Variants in DUSP18 observed in about 807,000 individuals in gnomAD.
DUSP18 encodes the protein dual specificity phosphatase 18, also known as dual specificity protein phosphatase 18.
A neutral mutation model predicts 6.3 loss-of-function variants in DUSP18; 4 were observed. That is an observed-to-expected ratio of 0.63 (90% CI 0.31 to 1.45). DUSP18 has a LOEUF of 1.45. Ranked by LOEUF, DUSP18 falls within the 40% of genes most tolerant of loss-of-function variation. DUSP18 has a pLI of 0.07. For synonymous variants in DUSP18, 96 were observed against 95.1 expected (o/e 1.01, Z -0.05); for missense variants, 235 against 247.7 (o/e 0.95, Z 0.34).
At chr22:30,657,193 G>A (rs1025006862), downstream of DUSP18, among the ~76,000 whole-genome samples, 5 of 152,002 alleles carry the variant, frequency 3.3e-5, no homozygotes, top group Admixed American at 3.3e-4. Context: ...CCAGCACTTT[G>A]GGAGGCCGAG....
chr22:30,660,378 A>G, downstream of DUSP18, among the ~76,000 whole-genome samples: 1 of 152,152 alleles, frequency 6.6e-6, no homozygotes, highest in South Asian at 2.1e-4. Flanking sequence ...ATCTTGGCTC[A>G]CTGCAGCCTT....
chr22:30,666,499 G>A lies in DUSP18; in HGVS notation c.-78+963C>T, dbSNP rs145102454. Among the ~76,000 whole-genome samples, 372 of 152,070 alleles carry A rather than the reference G, an allele frequency of 2.4e-3. 7 individuals are homozygous for A. The highest frequency in any genetic ancestry group is 8.7e-3 in the African/African-American group (362 of 41,438). On this transcript the variant is annotated intron_variant, in intron 1 of 1. Transcript: ENST00000334679. ...TAGCCAGGCGTGGTGGCATGGGCCT[G>A]TAGTCCCAGCTACTCAGGAGGCTGA...
rs755916451 is a variant in DUSP18 at position 30,663,697 on chromosome 22, G to T, written c.307C>A (p.His103Asn). The T allele has an allele frequency of 6.2e-7, 1 of 1,614,258 alleles. No individual in the cohort carries two copies. Among genetic ancestry groups the T allele is most frequent in the Non-Finnish European group, 8.5e-7 (1 of 1,180,050 alleles). Residue 103 changes from histidine to asparagine, a missense_variant, in exon 2 of 2, where the codon CAC (histidine) becomes AAC (asparagine). His to Asn is a moderately conservative substitution (Grantham distance 68). Transcript: ENST00000334679. Reference protein sequence around the residue: ...VEMKQGRTLLHCAAGVSRSAA... With the variant: ...VEMKQGRTLLNCAAGVSRSAA... ...GAGCGGCTCACACCAGCAGCACAGT[G>T]CAGCAAAGTACGGCCCTGCTTCATC...
Position 30,661,448 on chromosome 22 carries a change from T to TC in DUSP18, c.*1988_*1989insG, listed in dbSNP as rs1243872942. The TC allele has an allele frequency of 6.6e-6, 1 of 150,380 alleles. No individual in the cohort carries two copies. Among genetic ancestry groups the TC allele is most frequent in the Non-Finnish European group, 1.5e-5 (1 of 67,542 alleles). 9.3% of individuals were successfully genotyped at this position (150,380 alleles called of 1,614,324 possible). On this transcript the variant is annotated 3_prime_UTR_variant, in exon 2 of 2. Coordinates refer to ENST00000334679, the MANE Select transcript of DUSP18 (RefSeq NM_152511.5). ...TTCTTTTTTTCTTTTCTTTTTCTTT[T>TC]TTTTTTTTTTTCTTTTTGAGATGGA... is the stretch of plus-strand genomic sequence containing the variant.
downstream of DUSP18, chr22:30,661,444 C>CTTTTTTTTTTTTTT (rs56242112): frequency 4.4e-5 from 6 of 136,476 alleles, no homozygotes; most frequent in Non-Finnish European, 6.2e-5. Context: ...TTTTCTTTTT[C>CTTTTTTTTTTTTTT]TTTTTTTTTT....
At chr22:30,657,909 TAA>T (rs2088376028), downstream of DUSP18, among the ~76,000 whole-genome samples, 1 of 14,196 alleles carries the variant, frequency 7.0e-5, no homozygotes, top group Non-Finnish European at 1.4e-4. Flanking sequence ...GTCTCAAAAA[TAA>T]TAATAATAAT....
chr22:30,656,076 C>T (rs950108020), intron 2 of DUSP18, among the ~76,000 whole-genome samples: 43 of 151,988 alleles, frequency 2.8e-4, no homozygotes, highest in African/African-American at 9.6e-4. Context: ...TGGGCTCAAG[C>T]GATCCTCCCA....
chr22:30,653,112 T>C (rs577912079), intron 2 of DUSP18, among the ~76,000 whole-genome samples: 8 of 152,332 alleles, frequency 5.3e-5, no homozygotes, highest in East Asian at 3.9e-4. Context: ...GCCCACAGCA[T>C]GCACTTAGTA....
Position 30,662,603 on chromosome 22 carries a change from G to T in DUSP18, c.*834C>A, listed in dbSNP as rs2088510464. 6.6e-6 allele frequency: 1 copy of T among 152,112 alleles called. No homozygotes were observed. Among genetic ancestry groups the T allele is most frequent in the Non-Finnish European group, 1.5e-5 (1 of 68,050 alleles). The allele number at this position is 152,112 out of a possible 1,614,324, so 9.4% of individuals were successfully genotyped here. On this transcript the variant is annotated 3_prime_UTR_variant, in exon 2 of 2. Coordinates refer to ENST00000334679, the MANE Select transcript of DUSP18 (RefSeq NM_152511.5). ...ACACTTTGGGAGGCTGAGGCGTGAGGATTGCTTGAGGCCAGGAGTTTGAGA... is the reference window on the plus strand; with the variant it reads ...ACACTTTGGGAGGCTGAGGCGTGAGTATTGCTTGAGGCCAGGAGTTTGAGA...
chr22:30,660,328 C>CA (rs1395132400), downstream of DUSP18, among the ~76,000 whole-genome samples: 21 of 151,616 alleles, frequency 1.4e-4, no homozygotes, highest in Admixed American at 7.2e-4. Context: ...TTTTGAAACA[C>CA]AGTCTCACTT....
At chr22:30,666,358 A>C (rs2088662733) in intron 1 of DUSP18, among the ~76,000 whole-genome samples, 1 of 152,124 alleles carries the variant, frequency 6.6e-6, no homozygotes, top group East Asian at 1.9e-4. Context: ...CGGTGGCTTA[A>C]GCCTATAATC....
chr22:30,654,540 G>A (rs1024902284), intron 2 of DUSP18: 16 of 438,288 alleles, frequency 3.7e-5, no homozygotes, highest in East Asian at 7.0e-5. Flanking sequence ...CCTTGGTCTC[G>A]CGGGGCAGCA....
rs770873099 is a variant in DUSP18 at position 30,664,010 on chromosome 22, G to A, written c.-7C>T. 1.2e-5 allele frequency: 20 copies of A among 1,608,986 alleles called. No homozygotes were observed. Among genetic ancestry groups the A allele is most frequent in the African/African-American group, 5.3e-5 (4 of 74,862 alleles). ...CACACGAGGGTGCTGTCATCAAGGC[G>A]GTGGGTCAGTGGTCAGCAGTCAGCG... On this transcript the variant is annotated 5_prime_UTR_variant, in exon 2 of 2. Transcript: ENST00000334679.
At chr22:30,659,123 CAAAAAAA>C (rs35939188), downstream of DUSP18, among the ~76,000 whole-genome samples, 22 of 104,708 alleles carry the variant, frequency 2.1e-4, no homozygotes, top group East Asian at 1.5e-3. Context: ...GACTCCATCT[CAAAAAAA>C]AAAAAAAAAA....
chr22:30,653,153 C>G (rs1475932214), intron 2 of DUSP18, among the ~76,000 whole-genome samples: 1 of 152,156 alleles, frequency 6.6e-6, no homozygotes, highest in Non-Finnish European at 1.5e-5. Context: ...TGGTGGCTGC[C>G]TTCTGTGCTC....
At position 30,661,944 on chromosome 22, in the gene DUSP18, T is replaced by C. The variant is rs999935336; in HGVS notation, c.*1493A>G. 1 of 138,986 alleles carries C rather than the reference T, an allele frequency of 7.2e-6. No homozygotes were observed. The highest frequency in any genetic ancestry group is 2.2e-4 in the South Asian group (1 of 4,496). The allele number at this position is 138,986 out of a possible 1,614,324, so 8.6% of individuals were successfully genotyped here. On this transcript the variant is annotated 3_prime_UTR_variant, in exon 2 of 2. Transcript: ENST00000334679. Reference sequence around the variant, plus strand: ...TGCTCCTTGTTTCAGGACCTCTAGATTGCACCTAGATTAAACAAGACGGAA... The same window carrying C: ...TGCTCCTTGTTTCAGGACCTCTAGACTGCACCTAGATTAAACAAGACGGAA...
intron 1 of DUSP18, chr22:30,667,029 A>G (rs943957404): frequency 2.0e-5 from 3 of 152,196 alleles, no homozygotes; most frequent in African/African-American, 7.2e-5. Flanking sequence ...AGATCTAAAG[A>G]ACGTTTAGCT....
At chr22:30,659,988 C>G (rs1376076993), downstream of DUSP18, among the ~76,000 whole-genome samples, 1 of 152,208 alleles carries the variant, frequency 6.6e-6, no homozygotes, top group Non-Finnish European at 1.5e-5. Flanking sequence ...AGGCCAACCC[C>G]CAGCTGACAG....
At chr22:30,667,161 G>A (rs2088704061) in intron 1 of DUSP18, 2 of 152,142 alleles carry the variant, frequency 1.3e-5, no homozygotes, top group Admixed American at 6.6e-5. Flanking sequence ...AATCAGACCG[G>A]CGTCTAGAGT....
Sources: gnomAD v4.1 joint callset for allele counts (sites outside exome capture counted in the v4.1 genomes callset) on GRCh38, gnomAD v4.1.1 for gene constraint, MANE v1.5 for transcripts, NCBI Gene and HGNC (gene_info 2026-07-23, HGNC 2026-07-21) for gene names.